Variants in SCHIP1 observed in about 807,000 individuals in gnomAD.
SCHIP1 encodes schwannomin interacting protein 1.
In SCHIP1, 8 loss-of-function variants were observed where a neutral mutation model predicts 29.7. The observed-to-expected ratio is 0.27, with a 90% CI of 0.16 to 0.49. The LOEUF is 0.49. SCHIP1 is among the 20% of genes least tolerant of loss of function. SCHIP1 has a pLI of 0.99. For synonymous variants in SCHIP1, 76 were observed against 94.9 expected (o/e 0.80, Z 1.16); for missense variants, 193 against 294.6 (o/e 0.66, Z 2.52).
At chr3:159,280,423 G>A in the SCHIP1 span, among the ~76,000 whole-genome samples, 1 of 152,142 alleles carries the variant, frequency 6.6e-6, no homozygotes, top group South Asian at 2.1e-4. Flanking sequence ...CTTGTTTGGA[G>A]AATTTAATCT....
chr3:159,338,575 A>G, the SCHIP1 span, among the ~76,000 whole-genome samples: 1 of 151,940 alleles, frequency 6.6e-6, no homozygotes, highest in Admixed American at 6.6e-5. Flanking sequence ...AAGTGATGTG[A>G]TAGGACCTAC....
chr3:159,802,469 G>A, the SCHIP1 span, among the ~76,000 whole-genome samples: 1 of 152,200 alleles, frequency 6.6e-6, no homozygotes, highest in African/African-American at 2.4e-5. Context: ...GCCAGCTACA[G>A]TAGAAGAAAG....
chr3:159,829,942 T>C, the SCHIP1 span, among the ~76,000 whole-genome samples: 1 of 152,246 alleles, frequency 6.6e-6, no homozygotes, highest in Non-Finnish European at 1.5e-5. Context: ...ATCTTGTTTA[T>C]AATCAGAAAT....
chr3:159,463,201 A>G, the SCHIP1 span, among the ~76,000 whole-genome samples: 1 of 152,032 alleles, frequency 6.6e-6, no homozygotes, highest in Non-Finnish European at 1.5e-5. Context: ...AAAAGTCTAT[A>G]GAATATTGTC....
At chr3:159,369,352 C>G in the SCHIP1 span, among the ~76,000 whole-genome samples, 5 of 151,620 alleles carry the variant, frequency 3.3e-5, no homozygotes, top group Non-Finnish European at 7.4e-5. Context: ...TCAATAATGC[C>G]AATTTAGCAA....
At chr3:159,464,933 A>G in the SCHIP1 span, among the ~76,000 whole-genome samples, 1 of 152,104 alleles carries the variant, frequency 6.6e-6, no homozygotes, top group Non-Finnish European at 1.5e-5. Flanking sequence ...ACAGTTTTTT[A>G]TGGGTGATAT....
the SCHIP1 span, among the ~76,000 whole-genome samples, chr3:159,728,610 C>A: frequency 6.6e-6 from 1 of 152,206 alleles, no homozygotes; most frequent in Non-Finnish European, 1.5e-5. Flanking sequence ...CTCTCTTTCC[C>A]AGTGAGGCTG....
chr3:159,889,792 T>G (rs1214316757), intron 5 of SCHIP1, among the ~76,000 whole-genome samples: 1 of 152,196 alleles, frequency 6.6e-6, no homozygotes, highest in Non-Finnish European at 1.5e-5. Flanking sequence ...GTTGCAGTTA[T>G]GTGAATTTAA....
the SCHIP1 span, among the ~76,000 whole-genome samples, chr3:159,683,942 A>C: frequency 6.6e-6 from 1 of 152,084 alleles, no homozygotes; most frequent in African/African-American, 2.4e-5. Context: ...CTCTGTATTA[A>C]TCATGGTTTT....
chr3:159,500,286 G>A, the SCHIP1 span, among the ~76,000 whole-genome samples: 2 of 151,966 alleles, frequency 1.3e-5, no homozygotes, highest in African/African-American at 2.4e-5. Context: ...TACGTGCCAG[G>A]GCATTTCAAA....
At chr3:159,400,378 T>A in the SCHIP1 span, among the ~76,000 whole-genome samples, 3 of 152,212 alleles carry the variant, frequency 2.0e-5, no homozygotes, top group Non-Finnish European at 4.4e-5. Context: ...AACAGAGTGA[T>A]GTATTGAATA....
chr3:159,569,478 C>G, the SCHIP1 span, among the ~76,000 whole-genome samples: 1,148 of 152,228 alleles, frequency 7.5e-3, 9 homozygotes, highest in African/African-American at 0.026. Flanking sequence ...TCATCCATGT[C>G]CCTGCAAAGG....
the SCHIP1 span, among the ~76,000 whole-genome samples, chr3:159,391,263 T>C: frequency 1.3e-5 from 2 of 152,222 alleles, no homozygotes; most frequent in African/African-American, 4.8e-5. Context: ...ATAGCAATCC[T>C]GATGAATTCA....
chr3:159,610,273 C>T, the SCHIP1 span, among the ~76,000 whole-genome samples: 5 of 152,026 alleles, frequency 3.3e-5, no homozygotes, highest in East Asian at 5.8e-4. Context: ...TAGCAGCAAA[C>T]GATATAAAAT....
At chr3:159,646,194 C>A in the SCHIP1 span, among the ~76,000 whole-genome samples, 1 of 152,134 alleles carries the variant, frequency 6.6e-6, no homozygotes, top group African/African-American at 2.4e-5. Flanking sequence ...CCACTCTCCA[C>A]CTATGGAGCC....
At chr3:159,617,716 C>T in the SCHIP1 span, among the ~76,000 whole-genome samples, 1 of 152,156 alleles carries the variant, frequency 6.6e-6, no homozygotes, top group Non-Finnish European at 1.5e-5. Flanking sequence ...TTTACTACCC[C>T]CCCTAGGAAG....
At chr3:159,578,093 C>T in the SCHIP1 span, among the ~76,000 whole-genome samples, 2 of 152,048 alleles carry the variant, frequency 1.3e-5, no homozygotes, top group Non-Finnish European at 2.9e-5. Context: ...GTGCTGCAAC[C>T]TTAACTAATG....
At chr3:159,878,406 C>T (rs1305029448) in intron 2 of SCHIP1, among the ~76,000 whole-genome samples, 1 of 151,958 alleles carries the variant, frequency 6.6e-6, no homozygotes, top group African/African-American at 2.4e-5. Context: ...CGCTTGAACC[C>T]AGGAGGCGGA....
chr3:159,472,614 T>A, the SCHIP1 span, among the ~76,000 whole-genome samples: 3 of 152,198 alleles, frequency 2.0e-5, no homozygotes, highest in African/African-American at 7.2e-5. Context: ...CTTATTTAAA[T>A]ACACACTTCA....
Sources: gnomAD v4.1 joint callset for allele counts (sites outside exome capture counted in the v4.1 genomes callset) on GRCh38, gnomAD v4.1.1 for gene constraint, MANE v1.5 for transcripts, NCBI Gene and HGNC (gene_info 2026-07-23, HGNC 2026-07-21) for gene names.